Variants in MICU2 observed in about 807,000 individuals in gnomAD.
MICU2 encodes the protein calcium uptake protein 2, mitochondrial.
A neutral mutation model predicts 60.4 loss-of-function variants in MICU2; 64 were observed. That is an observed-to-expected ratio of 1.06 (90% CI 0.87 to 1.31). The LOEUF (loss-of-function observed/expected upper bound fraction) is 1.31. Among genes scored for constraint, MICU2 ranks in the 50% most tolerant of loss-of-function variants. The pLI is 0.00. For synonymous variants in MICU2, 201 were observed against 175.0 expected, an observed-to-expected ratio of 1.15 and a Z score of -1.17; for missense variants, 569 against 531.0, an observed-to-expected ratio of 1.07 and a Z score of -0.70.
In MICU2 at chr13:21,498,369, C is replaced by CTT. The variant is rs34890922; in HGVS notation, c.934-2211_934-2210dup. Among the ~76,000 whole-genome samples the CTT allele has an allele frequency of 1.0e-2, 782 of 78,518 alleles. 150 individuals carry two copies. Among genetic ancestry groups the CTT allele is most frequent in the East Asian group, 0.069 (118 of 1,698 alleles). 51.5% of individuals were successfully genotyped at this position (78,518 alleles called of 152,430 possible). On this transcript the variant is annotated intron_variant, in intron 9 of 11. Transcript: ENST00000382374. ...TGTCTCCATCCAGAAATATCCTATT[C>CTT]TTTTTTTTTTTTTTTTTTTTTTTTT...
At chr13:21,497,406 T>G (rs947694524) in intron 9 of MICU2, among the ~76,000 whole-genome samples, 17 of 151,720 alleles carry the variant, frequency 1.1e-4, no homozygotes, top group African/African-American at 4.1e-4. Context: ...AAAACTCAGT[T>G]TTTTCCATTA....
intron 2 of MICU2, among the ~76,000 whole-genome samples, chr13:21,561,731 T>C (rs1306567296): frequency 2.0e-5 from 3 of 149,508 alleles, no homozygotes; most frequent in African/African-American, 4.9e-5. Flanking sequence ...ATTATTATTA[T>C]ACTTTTAAGT....
At chr13:21,515,104 C>T (rs549557801) in intron 6 of MICU2, among the ~76,000 whole-genome samples, 2 of 102,738 alleles carry the variant, frequency 1.9e-5, no homozygotes, top group South Asian at 2.4e-4. Flanking sequence ...TTTTTTGAGA[C>T]GGAGTCTCGC....
intron 11 of MICU2, 107 bp downstream of exon 11, chr13:21,495,054 T>C: frequency 1.4e-6 from 1 of 698,294 alleles, no homozygotes; most frequent in Non-Finnish European, 2.2e-6. Flanking sequence ...ATAGTCTTTT[T>C]ATAAGTGATG....
chr13:21,556,039 G>A (rs1266374958), intron 2 of MICU2, among the ~76,000 whole-genome samples: 1 of 151,984 alleles, frequency 6.6e-6, no homozygotes, highest in Admixed American at 6.6e-5. Flanking sequence ...CCTCTTGATC[G>A]CATTTCCACC....
chr13:21,559,436 T>C lies in MICU2; in HGVS notation c.358+7361A>G, dbSNP rs910157795. 1.3e-5 allele frequency among the ~76,000 whole-genome samples: 2 copies of C among 152,176 alleles called. 1 individual carries two copies. The highest frequency in any genetic ancestry group is 4.8e-5 in the African/African-American group (2 of 41,438). On this transcript the variant is annotated intron_variant, in intron 2 of 11. Transcript: ENST00000382374. ...TCCTGTTGCATATAGAGTGTATATA[T>C]AGGAATGGGATTTGTATGTCAAAAG...
intron 9 of MICU2, among the ~76,000 whole-genome samples, chr13:21,497,091 C>T (rs187613722): frequency 1.2e-4 from 18 of 147,152 alleles, no homozygotes; most frequent in Admixed American, 8.8e-4. Flanking sequence ...AACAAACAAA[C>T]GGGCTGGGTG....
chr13:21,533,438 C>T (rs1031373999), intron 4 of MICU2, among the ~76,000 whole-genome samples: 1 of 151,832 alleles, frequency 6.6e-6, no homozygotes, highest in East Asian at 1.9e-4. Context: ...ATTCCCCTGC[C>T]TCAGCCTCCC....
intron 2 of MICU2, among the ~76,000 whole-genome samples, chr13:21,556,805 A>G (rs1377091622): frequency 6.6e-6 from 1 of 152,202 alleles, no homozygotes; most frequent in Non-Finnish European, 1.5e-5. Flanking sequence ...ATGTGATAAA[A>G]AGTCTGAAAA....
At chr13:21,563,342 C>A (rs567645721) in intron 2 of MICU2, among the ~76,000 whole-genome samples, 4 of 152,102 alleles carry the variant, frequency 2.6e-5, no homozygotes, top group Non-Finnish European at 5.9e-5. Flanking sequence ...GTAGTCCCAG[C>A]TACTCGGGAG....
intron 9 of MICU2, among the ~76,000 whole-genome samples, chr13:21,497,072 TAACA>T (rs558636991): frequency 1.6e-3 from 213 of 134,552 alleles, no homozygotes; most frequent in African/African-American, 5.3e-3. Flanking sequence ...AAAAAATACA[TAACA>T]AACAAACAAA....
At position 21,604,038 on chromosome 13, in the gene MICU2, C is replaced by T. The variant is rs1888897856; in HGVS notation, c.111G>A (p.Ala37=). 5 of 1,607,638 alleles carry T rather than the reference C, an allele frequency of 3.1e-6. No homozygotes were observed. The highest frequency in any genetic ancestry group is 1.1e-5 in the South Asian group (1 of 90,704). The change falls in exon 1 of 12, where the codon GCG becomes GCA. Residue 37 remains alanine, a synonymous_variant. Coordinates refer to ENST00000382374, the MANE Select transcript of MICU2 (RefSeq NM_152726.3). ...QAVRSPGPLA[A]AVAGAALAGA... ...CTGCCAGGGCCGCGCCGGCCACTGC[C>T]GCTGCCAAGGGGCCGGGACTCCGCA...
intron 4 of MICU2, among the ~76,000 whole-genome samples, chr13:21,536,217 TAG>T (rs745943842): frequency 7.2e-5 from 11 of 152,072 alleles, no homozygotes; most frequent in Non-Finnish European, 1.2e-4. Flanking sequence ...TGTACAGAAA[TAG>T]ATATTTATCA....
At chr13:21,579,497 C>T (rs1436946028) in intron 1 of MICU2, among the ~76,000 whole-genome samples, 1 of 152,048 alleles carries the variant, frequency 6.6e-6, no homozygotes, top group Non-Finnish European at 1.5e-5. Context: ...CCCGCCACCA[C>T]GCCAAGCTAA....
At chr13:21,524,017 G>C (rs1047213942) in intron 4 of MICU2, among the ~76,000 whole-genome samples, 2 of 152,082 alleles carry the variant, frequency 1.3e-5, no homozygotes, top group African/African-American at 4.8e-5. Context: ...ACTCTGTCTA[G>C]TCACTAAACT....
intron 10 of MICU2, 169 bp downstream of exon 10, chr13:21,495,883 C>A: frequency 1.8e-6 from 1 of 544,906 alleles, no homozygotes; most frequent in Non-Finnish European, 3.2e-6. Context: ...AGAAAGTAAC[C>A]ATTAAACTGG....
chr13:21,526,355 T>C (rs1359018817), intron 4 of MICU2, among the ~76,000 whole-genome samples: 1 of 152,096 alleles, frequency 6.6e-6, no homozygotes, highest in Non-Finnish European at 1.5e-5. Flanking sequence ...ATTGGTCCCA[T>C]AAAATTTCTA....
At chr13:21,572,381 G>A (rs1056286092) in intron 1 of MICU2, among the ~76,000 whole-genome samples, 3 of 152,214 alleles carry the variant, frequency 2.0e-5, no homozygotes, top group Admixed American at 2.0e-4. Flanking sequence ...GCAGGTAGGG[G>A]TAAGGCGAAT....
intron 9 of MICU2, among the ~76,000 whole-genome samples, chr13:21,496,860 CCTAG>C (rs1455880257): frequency 6.6e-6 from 1 of 151,762 alleles, no homozygotes; most frequent in African/African-American, 2.4e-5. Flanking sequence ...TGGAGACCAT[CCTAG>C]CTAACACCAT....
Sources: gnomAD v4.1 joint callset for allele counts (sites outside exome capture counted in the v4.1 genomes callset) on GRCh38, gnomAD v4.1.1 for gene constraint, MANE v1.5 for transcripts, NCBI Gene and HGNC (gene_info 2026-07-23, HGNC 2026-07-21) for gene names.